Variants in MAPK10 observed in about 807,000 individuals in gnomAD.
MAPK10 encodes the protein mitogen-activated protein kinase 10, also known as JNK3 alpha protein kinase.
In MAPK10, 25 loss-of-function variants were observed where a neutral mutation model predicts 59.3. The observed-to-expected ratio is 0.42, with a 90% CI of 0.31 to 0.59. The LOEUF is 0.59. Among genes scored for constraint, MAPK10 ranks in the 20% least tolerant of loss-of-function variants. The pLI, the probability that MAPK10 is intolerant of heterozygous loss-of-function variation, is 0.15. For synonymous variants in MAPK10, 190 were observed against 200.5 expected, an observed-to-expected ratio of 0.95 and a Z score of 0.44; for missense variants, 351 against 568.9, an observed-to-expected ratio of 0.62 and a Z score of 3.90.
intron 2 of MAPK10, among the ~76,000 whole-genome samples, chr4:86,343,283 A>C (rs1726101182): frequency 6.6e-6 from 1 of 152,062 alleles, no homozygotes; most frequent in Admixed American, 6.6e-5. Flanking sequence ...ACCACATTCT[A>C]CCTAGGACTA....
At position 86,260,504 on chromosome 4, in the gene MAPK10, T is replaced by C. The variant is rs139260869; in HGVS notation, c.-6-66097A>G. ...AATTTCATCTATGAGTCTTAAGAAC[T>C]GTTCTACGAGGACCTTAAAGATAAT... On this transcript the variant is annotated intron_variant, in intron 2 of 13. Transcript: ENST00000641462. Among the ~76,000 whole-genome samples the C allele has an allele frequency of 3.1e-3, 466 of 152,206 alleles. 2 individuals carry two copies. The highest frequency in any genetic ancestry group is 0.011 in the African/African-American group (452 of 41,558).
chr4:86,450,533 T>A (rs968368772), intron 1 of MAPK10, among the ~76,000 whole-genome samples: 24 of 152,366 alleles, frequency 1.6e-4, no homozygotes, highest in Admixed American at 3.9e-4. Flanking sequence ...TATTTTTAAA[T>A]AATTGAAATC....
intron 2 of MAPK10, among the ~76,000 whole-genome samples, chr4:86,243,760 G>T (rs1712065954): frequency 1.7e-5 from 2 of 118,910 alleles, no homozygotes; most frequent in South Asian, 5.2e-4. Context: ...CTAGTAGTCT[G>T]AATCTCTCTT....
chr4:86,404,592 A>G (rs143048959), intron 1 of MAPK10, among the ~76,000 whole-genome samples: 30 of 152,258 alleles, frequency 2.0e-4, no homozygotes, highest in African/African-American at 5.1e-4. Flanking sequence ...TTTAAATTCA[A>G]TTTTAAAGTT....
intron 11 of MAPK10, among the ~76,000 whole-genome samples, chr4:86,054,193 A>T (rs186201262): frequency 2.6e-5 from 4 of 152,300 alleles, no homozygotes; most frequent in Admixed American, 6.5e-5. Context: ...AATTAAGATG[A>T]ACCTTTCTCT....
rs148000432 is a variant in MAPK10, at chr4:86,118,579, TACACACACAC to T, written c.237-11237_237-11228del. Among the ~76,000 whole-genome samples, 145 of 146,352 alleles carry T rather than the reference TACACACACAC, an allele frequency of 9.9e-4. 1 individual carries two copies. The highest frequency in any genetic ancestry group is 8.2e-3 in the East Asian group (41 of 5,024). On this transcript the variant is annotated intron_variant, in intron 4 of 13. Coordinates refer to ENST00000641462, the MANE Select transcript of MAPK10 (RefSeq NM_138982.4). Reference sequence around the variant, plus strand: ...TTGTATGTATTTATATAAATACACATACACACACACACACACACACACACACACACACACA... The same window carrying T: ...TTGTATGTATTTATATAAATACACATACACACACACACACACACACACACA...
At chr4:86,170,045 G>C (rs1486128018) in intron 3 of MAPK10, among the ~76,000 whole-genome samples, 7 of 151,530 alleles carry the variant, frequency 4.6e-5, no homozygotes, top group Non-Finnish European at 8.8e-5. Context: ...TGCCCTAAAA[G>C]AGCTCCTGAA....
chr4:86,352,305 C>T (rs1032085669), intron 2 of MAPK10: 48 of 151,742 alleles, frequency 3.2e-4, no homozygotes, highest in African/African-American at 1.1e-3. Flanking sequence ...AGATTTAATC[C>T]AAATGTTCAA....
intron 4 of MAPK10, among the ~76,000 whole-genome samples, chr4:86,137,006 C>G (rs1348737467): frequency 6.6e-6 from 1 of 151,884 alleles, no homozygotes; most frequent in Non-Finnish European, 1.5e-5. Flanking sequence ...ATATATGCAC[C>G]CAATACAGGA....
intron 1 of MAPK10, among the ~76,000 whole-genome samples, chr4:86,543,764 C>CA (rs1196026561): frequency 6.7e-6 from 1 of 150,192 alleles, no homozygotes; most frequent in East Asian, 1.9e-4. Flanking sequence ...AAGCTGGGTC[C>CA]AAAAAAAACA....
At chr4:86,106,971 T>C in intron 5 of MAPK10, 1 of 229,482 alleles carries the variant, frequency 4.4e-6, no homozygotes, top group Non-Finnish European at 8.4e-6. Context: ...TAACCAAATA[T>C]GGTAAATTTT....
intron 2 of MAPK10, among the ~76,000 whole-genome samples, chr4:86,247,709 T>C (rs892577621): frequency 6.6e-6 from 1 of 152,146 alleles, no homozygotes; most frequent in South Asian, 2.1e-4. Context: ...ATTTCTAAGA[T>C]GGTTTGGAGG....
chr4:86,506,024 C>A (rs1393025724), intron 1 of MAPK10, among the ~76,000 whole-genome samples: 1 of 152,112 alleles, frequency 6.6e-6, no homozygotes, highest in Admixed American at 6.6e-5. Context: ...TAAAGGAATT[C>A]ATAATAATTC....
chr4:86,205,995 G>GA (rs1314063060), intron 2 of MAPK10, among the ~76,000 whole-genome samples: 2 of 151,616 alleles, frequency 1.3e-5, no homozygotes, highest in Non-Finnish European at 2.9e-5. Flanking sequence ...CATACGAATT[G>GA]AAAAAAACAA....
At chr4:86,454,220 C>A (rs1262176489), upstream of MAPK10, among the ~76,000 whole-genome samples, 4 of 152,114 alleles carry the variant, frequency 2.6e-5, no homozygotes, top group Non-Finnish European at 5.9e-5. Flanking sequence ...TAACATCCCC[C>A]CAAAATCACA....
At chr4:86,456,884 T>A (rs561403372), upstream of MAPK10, among the ~76,000 whole-genome samples, 2 of 152,280 alleles carry the variant, frequency 1.3e-5, no homozygotes, top group Admixed American at 6.5e-5. Flanking sequence ...ATATCCCTGA[T>A]GAACATAGAT....
chr4:86,218,277 C>T (rs879304133), intron 2 of MAPK10, among the ~76,000 whole-genome samples: 4 of 140,148 alleles, frequency 2.9e-5, no homozygotes, highest in Non-Finnish European at 6.4e-5. Context: ...CATCTCAGCT[C>T]ACTGTAACCT....
intron 1 of MAPK10, among the ~76,000 whole-genome samples, chr4:86,542,940 G>C (rs1012355575): frequency 6.6e-6 from 1 of 152,146 alleles, no homozygotes; most frequent in Non-Finnish European, 1.5e-5. Context: ...CCCAGATCCA[G>C]CATAAGAACC....
chr4:86,168,991 G>T (rs548281062), intron 3 of MAPK10, among the ~76,000 whole-genome samples: 4 of 152,168 alleles, frequency 2.6e-5, no homozygotes, highest in African/African-American at 7.2e-5. Context: ...CAACAGACCT[G>T]CAGCTGAGGG....
Sources: allele counts gnomAD v4.1 joint callset (sites outside exome capture counted in the v4.1 genomes callset), GRCh38; gene constraint gnomAD v4.1.1; transcripts MANE v1.5; gene names NCBI Gene and HGNC (gene_info 2026-07-23, HGNC 2026-07-21).